The following FAM118A variants were observed in gnomAD, a reference collection of about 807,000 sequenced individuals.
The protein encoded by FAM118A is SIR2 antiphage like 2, also known as protein FAM118A.
A neutral mutation model predicts 38.2 loss-of-function variants in FAM118A; 25 were observed. The ratio of observed to expected loss-of-function variants is 0.65; its 90% CI spans 0.48 to 0.91. The LOEUF is 0.91. Among genes scored for constraint, FAM118A ranks in the 40% least tolerant of loss-of-function variants. FAM118A has a pLI of 0.00. For missense variants in FAM118A, 425 were observed against 463.3 expected (o/e 0.92, Z 0.76); for synonymous variants, 178 against 184.1 (o/e 0.97, Z 0.27).
At chr22:45,328,624 C>T in intron 4 of FAM118A, 1 of 561,166 alleles carries the variant, frequency 1.8e-6, no homozygotes, top group South Asian at 2.1e-5. Context: ...GAGTAAGACC[C>T]TTTCTCTTAA....
chr22:45,335,168 C>T (rs767948889), intron 6 of FAM118A, 182 bp from the exon 7 acceptor site: 11 of 618,758 alleles, frequency 1.8e-5, no homozygotes, highest in East Asian at 8.3e-5. Flanking sequence ...CGAGTCCTCG[C>T]ACCAAGCCTG....
chr22:45,337,542 G>T (rs2086193778), intron 8 of FAM118A, among the ~76,000 whole-genome samples: 1 of 151,934 alleles, frequency 6.6e-6, no homozygotes, highest in Non-Finnish European at 1.5e-5. Context: ...AAAAACTAAC[G>T]TTTCCCAATA....
At chr22:45,328,418 G>A in intron 4 of FAM118A, 2 of 1,071,082 alleles carry the variant, frequency 1.9e-6, no homozygotes, top group Non-Finnish European at 1.5e-6. Context: ...CGGGCAGCCT[G>A]CAGGTGTGGG....
rs1276122348 is a variant in FAM118A, at chr22:45,338,969, C to CGA, written c.1055-1415_1055-1414dup. ...CCTGCAGAGTGAATTATAGCACAAG[C>CGA]GAGGGCTGGTGGCAGGGGGTGGGGG... is the stretch of plus-strand genomic sequence containing the variant. On this transcript the variant is annotated intron_variant, in intron 8 of 8. Transcript: ENST00000441876. Among the ~76,000 whole-genome samples the CGA allele has an allele frequency of 2.0e-5, 3 of 152,150 alleles. No individual in the cohort carries two copies. The East Asian group carries it at 5.8e-4, about 29-fold the overall frequency.
intron 2 of FAM118A, 47 bp downstream of exon 2, chr22:45,322,473 T>C (rs776948528): frequency 7.9e-6 from 12 of 1,520,108 alleles, no homozygotes; most frequent in African/African-American, 2.8e-5. Context: ...TGACTTCATC[T>C]AGCGTCTCTC....
At chr22:45,322,491 T>C in intron 2 of FAM118A, 65 bp downstream of exon 2, 2 of 1,387,078 alleles carry the variant, frequency 1.4e-6, no homozygotes, top group South Asian at 1.3e-5. Context: ...CTCGTGAGTG[T>C]GCGCACTCGT....
intron 8 of FAM118A, among the ~76,000 whole-genome samples, chr22:45,338,639 C>T (rs548782651): frequency 1.3e-5 from 2 of 152,324 alleles, no homozygotes; most frequent in South Asian, 4.1e-4. Context: ...TTCCTGAAAA[C>T]ATTGAGAGAG....
chr22:45,323,141 A>T, intron 2 of FAM118A, 34 bp from the exon 3 acceptor site: 1 of 1,600,424 alleles, frequency 6.2e-7, no homozygotes. Flanking sequence ...TTCCGCTTTG[A>T]CTTTCATTCT....
intron 4 of FAM118A, chr22:45,328,456 A>G: frequency 1.1e-6 from 1 of 906,190 alleles, no homozygotes; most frequent in Non-Finnish European, 1.9e-6. Flanking sequence ...AGCTGCTCTC[A>G]CTTTGTAGCA....
intron 3 of FAM118A, among the ~76,000 whole-genome samples, chr22:45,325,115 G>A (rs1292132691): frequency 2.0e-5 from 3 of 152,204 alleles, no homozygotes; most frequent in African/African-American, 4.8e-5. Context: ...GAAGGGAGGA[G>A]TCGAAGGGAG....
chr22:45,329,511 T>C (rs742013), intron 4 of FAM118A: 67,070 of 152,246 alleles, frequency 0.44, 18,814 homozygotes, highest in African/African-American at 0.79. Flanking sequence ...TTTTGTGACA[T>C]ACTTGTGACC....
chr22:45,315,337 GGGTTCATATTTTCTGT>G (rs1178338140), intron 1 of FAM118A, among the ~76,000 whole-genome samples: 4 of 152,130 alleles, frequency 2.6e-5, no homozygotes, highest in African/African-American at 9.7e-5. Context: ...TTCAAATTAA[GGGTTCATATTTTCTGT>G]AAATTGAAGA....
In FAM118A at chr22:45,340,445, CT is replaced by C. The variant is rs765560219; in HGVS notation, c.*41del. ...AACCTGCAACTTGAAAACTAGCCTT[CT>C]GTAACCACAGTGCCCAAACGAAGAG... is the stretch of plus-strand genomic sequence containing the variant. On this transcript the variant is annotated 3_prime_UTR_variant, in exon 9 of 9. Transcript: ENST00000441876. 7 of 1,611,800 alleles carry C rather than the reference CT, an allele frequency of 4.3e-6. No individual in the cohort carries two copies. The South Asian group carries it at 6.6e-5, about 15-fold the overall frequency.
intron 5 of FAM118A, among the ~76,000 whole-genome samples, chr22:45,331,954 A>G (rs538120583): frequency 1.3e-4 from 20 of 151,962 alleles, no homozygotes; most frequent in Non-Finnish European, 2.8e-4. Context: ...ATTCCCACAT[A>G]TGGCCCACTG....
At chr22:45,336,176 C>G (rs371970067) in intron 7 of FAM118A, 152 bp from the exon 8 acceptor site, 49 of 574,184 alleles carry the variant, frequency 8.5e-5, no homozygotes, top group African/African-American at 7.4e-4. Context: ...AAGCATGGCT[C>G]TCTTTGGAGA....
chr22:45,314,452 C>T (rs2084516192), intron 1 of FAM118A, among the ~76,000 whole-genome samples: 1 of 152,224 alleles, frequency 6.6e-6, no homozygotes, highest in African/African-American at 2.4e-5. Context: ...CCAGACAATG[C>T]CCAGGCCGGT....
intron 1 of FAM118A, among the ~76,000 whole-genome samples, chr22:45,319,445 C>G (rs1465862757): frequency 6.6e-6 from 1 of 152,208 alleles, no homozygotes; most frequent in Non-Finnish European, 1.5e-5. Flanking sequence ...CTCCCAAGTC[C>G]TGCCCCACAG....
At chr22:45,339,902 C>T (rs963338612) in intron 8 of FAM118A, among the ~76,000 whole-genome samples, 1 of 152,200 alleles carries the variant, frequency 6.6e-6, no homozygotes, top group Non-Finnish European at 1.5e-5. Flanking sequence ...GACGCCATCA[C>T]CTGCACCTGC....
intron 1 of FAM118A, among the ~76,000 whole-genome samples, chr22:45,316,273 T>C (rs1344122016): frequency 1.3e-5 from 2 of 152,084 alleles, no homozygotes; most frequent in Admixed American, 6.6e-5. Context: ...CTCCTTACTT[T>C]AGGTGATCCG....
Sources: allele counts gnomAD v4.1 joint callset (sites outside exome capture counted in the v4.1 genomes callset), GRCh38; gene constraint gnomAD v4.1.1; transcripts MANE v1.5; gene names NCBI Gene and HGNC (gene_info 2026-07-23, HGNC 2026-07-21).